Variants in SKAP2 observed in about 807,000 individuals in gnomAD.
SKAP2 encodes src kinase associated phosphoprotein 2, also known as src kinase-associated phosphoprotein 2.
Under a neutral mutation model 54.9 loss-of-function variants are expected in SKAP2, and 28 were observed. The ratio of observed to expected loss-of-function variants is 0.51; its 90% CI spans 0.38 to 0.70. The LOEUF is 0.70. SKAP2 is among the 30% of genes least tolerant of loss of function. The pLI is 0.00. For missense variants in SKAP2, 356 were observed against 424.1 expected, an observed-to-expected ratio of 0.84 and a Z score of 1.41; for synonymous variants, 137 against 134.3, an observed-to-expected ratio of 1.02 and a Z score of -0.14.
chr7:26,817,394 C>T (rs534669397), intron 4 of SKAP2, among the ~76,000 whole-genome samples: 33 of 152,132 alleles, frequency 2.2e-4, no homozygotes, highest in African/African-American at 7.7e-4. Context: ...ACTATTAAAA[C>T]TCAGTGGATA....
rs533559942 is a variant in SKAP2, at chr7:26,774,151, A to G, written c.308-34187T>C. 2.8e-4 allele frequency among the ~76,000 whole-genome samples: 43 copies of G among 152,182 alleles called. 1 individual carries two copies. Among genetic ancestry groups the G allele is most frequent in the Admixed American group, 2.6e-3 (40 of 15,280 alleles). On this transcript the variant is annotated intron_variant, in intron 4 of 12. Transcript: ENST00000345317. ...AACATGGTGAAACCCTGTCTCTACT[A>G]AAATTACAAAAATTAGCTGGTAGTG...
At chr7:26,762,308 A>G in intron 4 of SKAP2, among the ~76,000 whole-genome samples, 1 of 151,976 alleles carries the variant, frequency 6.6e-6, no homozygotes. Context: ...AAAAAAATCC[A>G]CACATCTGTT....
At chr7:26,724,585 T>C (rs573634806) in intron 9 of SKAP2, among the ~76,000 whole-genome samples, 6 of 152,296 alleles carry the variant, frequency 3.9e-5, no homozygotes, top group South Asian at 4.1e-4. Context: ...CAGAGCAAAA[T>C]GGCCTCTCTA....
intron 6 of SKAP2, among the ~76,000 whole-genome samples, chr7:26,729,031 A>G (rs535185905): frequency 1.2e-4 from 18 of 152,312 alleles, no homozygotes; most frequent in Admixed American, 4.6e-4. Context: ...ATAAAGATTT[A>G]GTTTGGAAGA....
chr7:26,767,656 T>C (rs1783090385), intron 4 of SKAP2, among the ~76,000 whole-genome samples: 1 of 152,342 alleles, frequency 6.6e-6, no homozygotes, highest in South Asian at 2.1e-4. Context: ...TTCTGGTATG[T>C]TGTCTCCTTG....
At chr7:26,844,841 A>G (rs1352778243) in intron 3 of SKAP2, among the ~76,000 whole-genome samples, 1 of 152,118 alleles carries the variant, frequency 6.6e-6, no homozygotes, top group Non-Finnish European at 1.5e-5. Context: ...TGTTCTGGCC[A>G]GTTTCCAACT....
chr7:26,766,193 T>G (rs1301780202), intron 4 of SKAP2, among the ~76,000 whole-genome samples: 1 of 152,214 alleles, frequency 6.6e-6, no homozygotes, highest in African/African-American at 2.4e-5. Context: ...TCACATGCCT[T>G]GTAAGTTGTA....
chr7:26,716,210 A>G (rs1446793871), intron 9 of SKAP2, among the ~76,000 whole-genome samples: 1 of 152,100 alleles, frequency 6.6e-6, no homozygotes, highest in Non-Finnish European at 1.5e-5. Context: ...TCCTTGGTCT[A>G]TCAGTTTTTG....
rs1157508697 is a variant in SKAP2 at position 26,684,800 on chromosome 7, CA to C, written c.922del (p.Cys308ValfsTer16). 6.2e-7 allele frequency: 1 copy of C among 1,612,704 alleles called. No individual in the cohort carries two copies. The highest frequency in any genetic ancestry group is 2.2e-5 in the East Asian group (1 of 44,782). ...YANFYQGLWD[C>X]TGAFSDELSF... The stretch of plus-strand genomic sequence containing the variant: ...CAACTCATCAGAAAAAGCTCCAGTA[CA>C]ATCCCACAATCCCTGGTAAAAATTA... On this transcript the variant is annotated frameshift_variant, in exon 11 of 13. Transcript: ENST00000345317. LOFTEE classifies it high-confidence loss of function.
At chr7:26,736,872 G>A (rs1476335446) in intron 6 of SKAP2, among the ~76,000 whole-genome samples, 1 of 151,790 alleles carries the variant, frequency 6.6e-6, no homozygotes, top group Non-Finnish European at 1.5e-5. Flanking sequence ...TCCAGCTTGG[G>A]TGACAGAGTG....
At chr7:26,722,854 A>G (rs867926323) in intron 9 of SKAP2, among the ~76,000 whole-genome samples, 5 of 152,236 alleles carry the variant, frequency 3.3e-5, no homozygotes, top group Admixed American at 1.3e-4. Context: ...AAGTAGCATA[A>G]TAAATGCTTA....
At chr7:26,838,286 A>C (rs1461297005) in intron 4 of SKAP2, among the ~76,000 whole-genome samples, 1 of 151,950 alleles carries the variant, frequency 6.6e-6, no homozygotes, top group African/African-American at 2.4e-5. Context: ...ACCTACCTCC[A>C]AGACCCCCTC....
At chr7:26,741,759 TAAAAAA>T (rs978045578) in intron 4 of SKAP2, among the ~76,000 whole-genome samples, 2 of 150,990 alleles carry the variant, frequency 1.3e-5, no homozygotes, top group African/African-American at 2.4e-5. Context: ...AATTAAAAAT[TAAAAAA>T]AAGAATGGGT....
At chr7:26,748,292 T>C (rs1031208181) in intron 4 of SKAP2, among the ~76,000 whole-genome samples, 3 of 152,188 alleles carry the variant, frequency 2.0e-5, no homozygotes, top group Non-Finnish European at 4.4e-5. Context: ...AATTTTAAAA[T>C]ATGGTTTTTA....
chr7:26,790,584 T>C (rs1018061706), intron 4 of SKAP2, among the ~76,000 whole-genome samples: 9 of 152,222 alleles, frequency 5.9e-5, no homozygotes, highest in Non-Finnish European at 1.3e-4. Context: ...GGTACAACTT[T>C]CTACCTCAGT....
intron 9 of SKAP2, among the ~76,000 whole-genome samples, chr7:26,711,090 C>T (rs1456437098): frequency 3.9e-5 from 6 of 152,056 alleles, no homozygotes; most frequent in South Asian, 2.1e-4. Flanking sequence ...GCAGGTTTAA[C>T]GAAAATACTA....
intron 3 of SKAP2, chr7:26,847,936 T>C (rs1784959295): frequency 2.0e-5 from 3 of 152,190 alleles, no homozygotes; most frequent in Non-Finnish European, 4.4e-5. Context: ...CCCACAACTT[T>C]CAAAAGTTTA....
chr7:26,749,974 C>G (rs1782645841), intron 4 of SKAP2, among the ~76,000 whole-genome samples: 1 of 151,680 alleles, frequency 6.6e-6, no homozygotes, highest in Non-Finnish European at 1.5e-5. Context: ...TGACACCAGT[C>G]ATCATCTCAT....
chr7:26,686,355 G>A (rs1786639899), intron 10 of SKAP2, among the ~76,000 whole-genome samples: 1 of 152,042 alleles, frequency 6.6e-6, no homozygotes, highest in South Asian at 2.1e-4. Context: ...GAAGGAGGAA[G>A]AGAAAGGAGG....
Sources: allele counts gnomAD v4.1 joint callset (sites outside exome capture counted in the v4.1 genomes callset), GRCh38; gene constraint gnomAD v4.1.1; transcripts MANE v1.5; gene names NCBI Gene and HGNC (gene_info 2026-07-23, HGNC 2026-07-21).